Variants in CUX1 observed in about 807,000 individuals in gnomAD.
The protein encoded by CUX1 is cut like homeobox 1, also known as protein CASP.
In CUX1, 31 loss-of-function variants were observed where a neutral mutation model predicts 158.8. The observed-to-expected ratio is 0.20, with a 90% CI of 0.15 to 0.26. The LOEUF is 0.26. Among genes scored for constraint, CUX1 ranks in the 10% least tolerant of loss-of-function variants. The pLI is 1.00. For missense variants in CUX1, 1,589 were observed against 2,014.6 expected (o/e 0.79, Z 4.04); for synonymous variants, 879 against 862.1 (o/e 1.02, Z -0.34).
intron 3 of CUX1, among the ~76,000 whole-genome samples, chr7:102,069,331 G>A (rs990989537): frequency 6.6e-6 from 1 of 152,084 alleles, no homozygotes; most frequent in African/African-American, 2.4e-5. Context: ...ATGTATCCGC[G>A]TTCCCACCTG....
chr7:101,887,319 T>C (rs1800331218), intron 1 of CUX1, among the ~76,000 whole-genome samples: 1 of 152,142 alleles, frequency 6.6e-6, no homozygotes, highest in African/African-American at 2.4e-5. Context: ...TTCTTTCTTT[T>C]TTTTTAGAAA....
chr7:101,868,534 G>A (rs1486272037), intron 1 of CUX1, among the ~76,000 whole-genome samples: 1 of 152,194 alleles, frequency 6.6e-6, no homozygotes, highest in East Asian at 1.9e-4. Context: ...GCACCTTAGC[G>A]CTTGGTGCCC....
At chr7:101,992,644 C>T (rs910504777) in intron 2 of CUX1, among the ~76,000 whole-genome samples, 2 of 152,146 alleles carry the variant, frequency 1.3e-5, no homozygotes, top group African/African-American at 4.8e-5. Context: ...GATCTTATTT[C>T]AGTTTGGTTA....
At chr7:102,229,302 CTTTTT>C (rs11348387) in intron 21 of CUX1, among the ~76,000 whole-genome samples, 2 of 120,966 alleles carry the variant, frequency 1.7e-5, no homozygotes, top group Non-Finnish European at 1.8e-5. Context: ...GGTGTTTCAT[CTTTTT>C]TTTTTTTTTT....
Position 102,252,042 on chromosome 7 carries a change from GACT to G in CUX1, c.*3001_*3003del, listed in dbSNP as rs1801570121. Reference sequence around the variant, plus strand: ...GGTTCCCATTCTGTCTTTTTTGCCAGACTTACATCTGGTGCCAGATACAATCAG... The same window carrying G: ...GGTTCCCATTCTGTCTTTTTTGCCAGTACATCTGGTGCCAGATACAATCAG... On this transcript the variant is annotated 3_prime_UTR_variant, in exon 24 of 24. Transcript: ENST00000292535. 1.0e-6 allele frequency: 1 copy of G among 985,170 alleles called. No homozygotes were observed. The highest frequency in any genetic ancestry group is 1.2e-6 in the Non-Finnish European group (1 of 829,908). The allele number at this position is 985,170 out of a possible 1,614,324, so 61.0% of individuals were successfully genotyped here. A position where few individuals can be genotyped will look rare whatever the true frequency, so the allele number is the denominator to read the frequency against.
intron 2 of CUX1, among the ~76,000 whole-genome samples, chr7:101,981,119 T>TCAGG (rs1400898753): frequency 5.1e-4 from 77 of 152,196 alleles, no homozygotes; most frequent in Non-Finnish European, 9.9e-4. Flanking sequence ...TTGGCATAGC[T>TCAGG]CCTGAACAGG....
chr7:101,918,378 G>T (rs1428802068), intron 2 of CUX1, among the ~76,000 whole-genome samples: 1 of 152,250 alleles, frequency 6.6e-6, no homozygotes, highest in Admixed American at 6.5e-5. Flanking sequence ...TGGGGAGGCG[G>T]CAGCCTGGTA....
At chr7:102,165,454 GCAATTCTCATGC>G (rs1190970110) in intron 9 of CUX1, among the ~76,000 whole-genome samples, 4 of 145,644 alleles carry the variant, frequency 2.7e-5, no homozygotes, top group African/African-American at 7.6e-5. Context: ...CCAGATTCAA[GCAATTCTCATGC>G]CAATTCTCAT....
chr7:101,985,409 A>G (rs557304148), intron 2 of CUX1, among the ~76,000 whole-genome samples: 1 of 152,318 alleles, frequency 6.6e-6, no homozygotes, highest in South Asian at 2.1e-4. Context: ...CCTGGGGCCA[A>G]GAGGAGCGTT....
Position 102,256,103 on chromosome 7 carries a change from C to T in CUX1, c.*7061C>T. The T allele has an allele frequency of 1.0e-6, 1 of 985,474 alleles. No individual in the cohort carries two copies. The highest frequency in any genetic ancestry group is 4.7e-5 in the South Asian group (1 of 21,290). The allele number at this position is 985,474 out of a possible 1,614,324, so 61.0% of individuals were successfully genotyped here. On this transcript the variant is annotated 3_prime_UTR_variant, in exon 24 of 24. Transcript: ENST00000292535. ...AGCCTGCCTCTTGGTGACCACTGTGCTGGGCGTGCAGGGCCCGCGGGCTCT... is the reference window on the plus strand; with the variant it reads ...AGCCTGCCTCTTGGTGACCACTGTGTTGGGCGTGCAGGGCCCGCGGGCTCT...
chr7:102,154,180 A>C (rs1165892800), intron 8 of CUX1: 1 of 152,138 alleles, frequency 6.6e-6, no homozygotes, highest in Non-Finnish European at 1.5e-5. Flanking sequence ...GAATCAACAC[A>C]AGCCTGGAAA....
downstream of CUX1, among the ~76,000 whole-genome samples, chr7:102,262,691 A>G (rs1554544162): frequency 1.3e-5 from 2 of 152,040 alleles, no homozygotes; most frequent in African/African-American, 4.8e-5. Flanking sequence ...GTAGATGCTT[A>G]CATCAGACGG....
chr7:102,177,845 G>A (rs782271844), intron 10 of CUX1, among the ~76,000 whole-genome samples: 15 of 152,072 alleles, frequency 9.9e-5, no homozygotes, highest in Non-Finnish European at 1.9e-4. Context: ...TCATCCTGCC[G>A]CATCCCTGCT....
intron 1 of CUX1, among the ~76,000 whole-genome samples, chr7:101,891,328 C>T (rs899567399): frequency 2.0e-5 from 3 of 152,208 alleles, no homozygotes; most frequent in African/African-American, 7.2e-5. Flanking sequence ...AAGCAATCCT[C>T]ACGCCTCAGA....
chr7:102,195,048 T>A (rs1794646434), intron 13 of CUX1, among the ~76,000 whole-genome samples: 1 of 137,552 alleles, frequency 7.3e-6, no homozygotes, highest in South Asian at 2.3e-4. Flanking sequence ...TCAAATCAAA[T>A]AAAATTGACA....
intron 4 of CUX1, among the ~76,000 whole-genome samples, chr7:102,090,683 C>T (rs113269662): frequency 0.092 from 12,499 of 136,328 alleles, 699 homozygotes; most frequent in African/African-American, 0.17. Flanking sequence ...CACCGCACCC[C>T]GCCTCTTTTT....
At chr7:102,136,668 C>T (rs1449796661) in intron 8 of CUX1, among the ~76,000 whole-genome samples, 10 of 152,150 alleles carry the variant, frequency 6.6e-5, no homozygotes, top group African/African-American at 2.4e-4. Flanking sequence ...GGATTTTAGA[C>T]GTGAGCCACC....
chr7:102,254,205 G>A lies in CUX1; in HGVS notation c.*5163G>A, dbSNP rs1182718381. 17 of 985,546 alleles carry A rather than the reference G, an allele frequency of 1.7e-5. No individual in the cohort carries two copies. The highest frequency in any genetic ancestry group is 5.2e-4 in the Middle Eastern group (1 of 1,918). The allele number at this position is 985,546 out of a possible 1,614,324, so 61.1% of individuals were successfully genotyped here. On this transcript the variant is annotated 3_prime_UTR_variant, in exon 24 of 24. Coordinates refer to ENST00000292535, the MANE Select transcript of CUX1 (RefSeq NM_181552.4). ...AGGCAGGGCGTGGTCTCGGGGCTCC[G>A]AGGGTCTTGTCTTTGGTCCGCCTTC...
chr7:102,081,226 A>G lies in CUX1; in HGVS notation c.268+10809A>G, dbSNP rs75150320. 1.3e-4 allele frequency among the ~76,000 whole-genome samples: 19 copies of G among 151,792 alleles called. No homozygotes were observed. In the East Asian group the frequency reaches 3.5e-3, roughly 28 times the overall value. On this transcript the variant is annotated intron_variant, in intron 4 of 23. Transcript: ENST00000292535. ...CATTTGCATTCCCTCCCTATCTAAAACTCCACATGACCAAAAGAGAATGAT... is the reference window on the plus strand; with the variant it reads ...CATTTGCATTCCCTCCCTATCTAAAGCTCCACATGACCAAAAGAGAATGAT...
Sources: allele counts gnomAD v4.1 joint callset (sites outside exome capture counted in the v4.1 genomes callset), GRCh38; gene constraint gnomAD v4.1.1; transcripts MANE v1.5; gene names NCBI Gene and HGNC (gene_info 2026-07-23, HGNC 2026-07-21).